Variants in VIT observed in about 807,000 individuals in gnomAD.
VIT encodes vitrin.
In VIT, 99 loss-of-function variants were observed where a neutral mutation model predicts 78.0. The ratio of observed to expected loss-of-function variants is 1.27; its 90% CI spans 1.08 to 1.50. The LOEUF (loss-of-function observed/expected upper bound fraction) is 1.50. Among genes scored for constraint, VIT ranks in the 40% most tolerant of loss-of-function variants. The pLI, the probability that VIT is intolerant of heterozygous loss-of-function variation, is 0.00. For missense variants in VIT, 1,126 were observed against 875.3 expected (o/e 1.29, Z -3.61); for synonymous variants, 374 against 334.3 (o/e 1.12, Z -1.29).
intron 9 of VIT, among the ~76,000 whole-genome samples, chr2:36,777,579 G>C (rs1463615978): frequency 6.6e-6 from 1 of 152,100 alleles, no homozygotes. Context: ...GGTAAGGCTT[G>C]TCTCACCACT....
chr2:36,727,724 T>C lies in VIT; in HGVS notation c.53-1702T>C, dbSNP rs1020569705. Among the ~76,000 whole-genome samples the C allele has an allele frequency of 8.5e-5, 13 of 152,232 alleles. No individual in the cohort carries two copies. The East Asian group carries it at 2.3e-3, about 27-fold the overall frequency. Reference sequence around the variant, plus strand: ...TCAACAGCCGCCTGTAAGATTGTAATGGAGATGAAAAATTCCTATTGCCTA... The same window carrying C: ...TCAACAGCCGCCTGTAAGATTGTAACGGAGATGAAAAATTCCTATTGCCTA... On this transcript the variant is annotated intron_variant, in intron 2 of 15. Coordinates refer to ENST00000379242, the MANE Select transcript of VIT (RefSeq NM_053276.4).
intron 3 of VIT, among the ~76,000 whole-genome samples, chr2:36,737,434 A>T (rs1026475694): frequency 6.6e-6 from 1 of 152,226 alleles, no homozygotes; most frequent in Non-Finnish European, 1.5e-5. Context: ...GAAGACAACA[A>T]TCAGTGAGAT....
At chr2:36,804,466 C>A (rs938933864) in intron 13 of VIT, among the ~76,000 whole-genome samples, 1 of 152,192 alleles carries the variant, frequency 6.6e-6, no homozygotes, top group Non-Finnish European at 1.5e-5. Context: ...CCACCCTACA[C>A]TCTTGGAAAC....
chr2:36,751,076 G>A lies in VIT; in HGVS notation c.276-3845G>A, dbSNP rs924739479. 4.0e-5 allele frequency among the ~76,000 whole-genome samples: 6 copies of A among 151,110 alleles called. No individual in the cohort carries two copies. The South Asian group carries it at 6.4e-4, about 16-fold the overall frequency. ...GGAGTTCAAGACCAGCCAGGCCAACGTGGCAAAACCCCGTCTCTACTAAAT... is the reference window on the plus strand; with the variant it reads ...GGAGTTCAAGACCAGCCAGGCCAACATGGCAAAACCCCGTCTCTACTAAAT... On this transcript the variant is annotated intron_variant, in intron 4 of 15. Transcript: ENST00000379242.
In VIT at chr2:36,780,723, T is replaced by G. The variant is rs74540266; in HGVS notation, c.803-1004T>G. ...CACCCTTTTTTCAGTGTGTTAGTAA[T>G]TTCAGCTGGCAGAAAAGCTGATAGC... On this transcript the variant is annotated intron_variant, in intron 9 of 15. Transcript: ENST00000379242. Among the ~76,000 whole-genome samples, 74 of 152,258 alleles carry G rather than the reference T, an allele frequency of 4.9e-4. 1 individual carries two copies. In the East Asian group the frequency reaches 0.014, roughly 29 times the overall value.
chr2:36,751,316 A>T (rs1668447085), intron 4 of VIT, among the ~76,000 whole-genome samples: 1 of 152,164 alleles, frequency 6.6e-6, no homozygotes, highest in African/African-American at 2.4e-5. Context: ...GAATCGCTTA[A>T]ACCTGGAAGG....
chr2:36,703,354 T>C (rs7340320), intron 1 of VIT, among the ~76,000 whole-genome samples: 121,214 of 146,270 alleles, frequency 0.83, 50,553 homozygotes, highest in Middle Eastern at 0.95. Context: ...CCCACCCCCC[T>C]ACACCCAGCC....
chr2:36,742,989 G>T, intron 3 of VIT, 111 bp from the exon 4 acceptor site: 1 of 1,397,068 alleles, frequency 7.2e-7, no homozygotes, highest in East Asian at 2.4e-5. Flanking sequence ...TGTAGAGTCG[G>T]CCCAGGCTCT....
intron 12 of VIT, chr2:36,788,023 T>C (rs1193485447): frequency 3.4e-6 from 1 of 297,742 alleles, no homozygotes; most frequent in Non-Finnish European, 6.6e-6. Flanking sequence ...AACAGATACA[T>C]AGATATTGAT....
At chr2:36,748,786 A>T (rs1286240159) in intron 4 of VIT, among the ~76,000 whole-genome samples, 2 of 152,230 alleles carry the variant, frequency 1.3e-5, no homozygotes, top group African/African-American at 4.8e-5. Context: ...CAAGGTTGCT[A>T]GCTTCCTCCT....
chr2:36,724,461 G>A (rs1188256630), intron 2 of VIT, among the ~76,000 whole-genome samples: 2 of 152,120 alleles, frequency 1.3e-5, no homozygotes, highest in Admixed American at 6.5e-5. Context: ...CTAGGAAAAC[G>A]AACACAAGAC....
At chr2:36,704,671 G>A (rs1665298025) in intron 1 of VIT, among the ~76,000 whole-genome samples, 1 of 152,138 alleles carries the variant, frequency 6.6e-6, no homozygotes, top group South Asian at 2.1e-4. Flanking sequence ...CAATTCCTGA[G>A]CCACAGACAC....
chr2:36,710,654 G>A (rs1456688328), intron 1 of VIT, among the ~76,000 whole-genome samples: 1 of 152,084 alleles, frequency 6.6e-6, no homozygotes, highest in Non-Finnish European at 1.5e-5. Context: ...AAAATTGAAG[G>A]GAATGTACTC....
At chr2:36,776,893 T>G (rs1572520839) in intron 9 of VIT, among the ~76,000 whole-genome samples, 2 of 151,232 alleles carry the variant, frequency 1.3e-5, no homozygotes, top group East Asian at 2.0e-4. Flanking sequence ...ATCGAGACCA[T>G]CCCGGCTAAC....
chr2:36,769,570 C>T (rs760127457), intron 7 of VIT, among the ~76,000 whole-genome samples: 11 of 152,082 alleles, frequency 7.2e-5, no homozygotes, highest in Non-Finnish European at 1.3e-4. Context: ...ACTGGGGAAG[C>T]GGGGAGAGCT....
At chr2:36,706,926 T>C (rs77720173) in intron 1 of VIT, among the ~76,000 whole-genome samples, 2 of 152,138 alleles carry the variant, frequency 1.3e-5, no homozygotes, top group African/African-American at 4.8e-5. Flanking sequence ...AATATTAAGT[T>C]GGAGACCTGG....
chr2:36,776,033 T>C (rs968685134), intron 9 of VIT, among the ~76,000 whole-genome samples: 4 of 152,236 alleles, frequency 2.6e-5, no homozygotes, highest in Non-Finnish European at 5.9e-5. Flanking sequence ...TTGTATAAAG[T>C]ACATCTGGTC....
In VIT at chr2:36,716,377, A is replaced by G. The variant is rs1666136790; in HGVS notation, c.7A>G (p.Thr3Ala). The G allele has an allele frequency of 1.2e-6, 2 of 1,613,870 alleles. No homozygotes were observed. The highest frequency in any genetic ancestry group is 1.7e-6 in the Non-Finnish European group (2 of 1,179,810). ...GGGTGTCATTCTGATATTTATGAGG[A>G]CTGTTGTTCTCACTATGAAGGCATC... The part of the protein sequence containing the change: MR[T>A]VVLTMKASVI... Residue 3 changes from threonine (T) to alanine (A), a missense_variant, in exon 2 of 16, where the codon ACT (threonine) becomes GCT (alanine). By Grantham distance (58) the Thr-to-Ala change is moderately conservative. Transcript: ENST00000379242.
At chr2:36,723,896 C>A (rs139617435) in intron 2 of VIT, among the ~76,000 whole-genome samples, 40 of 145,216 alleles carry the variant, frequency 2.8e-4, no homozygotes, top group Admixed American at 1.6e-3. Flanking sequence ...GGTAGCAGTA[C>A]GCTGTGATCA....
Sources: gnomAD v4.1 joint callset for allele counts (sites outside exome capture counted in the v4.1 genomes callset) on GRCh38, gnomAD v4.1.1 for gene constraint, MANE v1.5 for transcripts, NCBI Gene and HGNC (gene_info 2026-07-23, HGNC 2026-07-21) for gene names.